The following UST variants were observed in gnomAD, a reference collection of about 807,000 sequenced individuals.
UST encodes the protein uronyl 2-sulfotransferase, also known as chondroitin sulfate 2-O-sulfotransferase.
UST carries 21 observed loss-of-function variants against 45.6 expected under a neutral mutation model. The observed-to-expected ratio is 0.46, with a 90% CI of 0.33 to 0.66. The LOEUF is 0.66. Among genes scored for constraint, UST ranks in the 30% least tolerant of loss-of-function variants. The pLI, the probability that UST is intolerant of heterozygous loss-of-function variation, is 0.02. For synonymous variants in UST, 215 were observed against 200.6 expected (o/e 1.07, Z -0.61); for missense variants, 463 against 512.4 (o/e 0.90, Z 0.93).
chr6:148,807,646 A>G (rs915982504), intron 1 of UST, among the ~76,000 whole-genome samples: 1 of 152,132 alleles, frequency 6.6e-6, no homozygotes, highest in African/African-American at 2.4e-5. Context: ...TGCGTGGTAC[A>G]TTGACAGATA....
intron 7 of UST, among the ~76,000 whole-genome samples, chr6:149,066,571 C>T (rs1776732451): frequency 6.6e-6 from 1 of 151,878 alleles, no homozygotes; most frequent in South Asian, 2.1e-4. Context: ...TAAGAATCTG[C>T]CAAACCAGCT....
At chr6:148,871,117 C>CCTCT (rs749134391) in intron 1 of UST, among the ~76,000 whole-genome samples, 1,502 of 97,570 alleles carry the variant, frequency 0.015, 82 homozygotes, top group African/African-American at 0.05. Flanking sequence ...GCATTCTCTC[C>CCTCT]CTCTCTCTCT....
chr6:148,890,560 C>T (rs534165856), intron 2 of UST, among the ~76,000 whole-genome samples: 2 of 152,148 alleles, frequency 1.3e-5, no homozygotes, highest in Non-Finnish European at 2.9e-5. Flanking sequence ...ACGTTACAGG[C>T]GAGTTCTCAT....
chr6:148,915,881 G>A (rs527243832), intron 2 of UST, among the ~76,000 whole-genome samples: 1 of 151,958 alleles, frequency 6.6e-6, no homozygotes, highest in East Asian at 1.9e-4. Flanking sequence ...AGGGTGGTGT[G>A]GGGGAGGGTT....
At chr6:148,750,106 C>G (rs1014902001) in intron 1 of UST, among the ~76,000 whole-genome samples, 12 of 152,262 alleles carry the variant, frequency 7.9e-5, no homozygotes, top group Middle Eastern at 3.4e-3. Flanking sequence ...ATTTCCTCAG[C>G]CAATTTTGGC....
intron 3 of UST, among the ~76,000 whole-genome samples, chr6:148,950,336 T>C (rs1035830786): frequency 6.6e-6 from 1 of 152,254 alleles, no homozygotes; most frequent in Non-Finnish European, 1.5e-5. Context: ...TGTCATTTGC[T>C]GTTGGGATTA....
intron 2 of UST, among the ~76,000 whole-genome samples, chr6:148,932,639 A>G (rs1335691895): frequency 6.6e-6 from 1 of 152,020 alleles, no homozygotes; most frequent in Admixed American, 6.6e-5. Flanking sequence ...GAAGTCTTGT[A>G]TTTTTTTCCT....
At chr6:149,001,482 G>A (rs1008954179) in intron 5 of UST, among the ~76,000 whole-genome samples, 6 of 152,188 alleles carry the variant, frequency 3.9e-5, no homozygotes, top group Non-Finnish European at 8.8e-5. Context: ...CAAGGAAAAG[G>A]AAGCAAAGCA....
Position 148,790,746 on chromosome 6 carries a change from G to C in UST, c.247+43069G>C, listed in dbSNP as rs1776829737. On this transcript the variant is annotated intron_variant, in intron 1 of 7. Coordinates refer to ENST00000367463, the MANE Select transcript of UST (RefSeq NM_005715.3). This position sits in a 1 kb window ranked among gnomAD's most constrained non-coding sequence, Gnocchi z 4.2. ...TCGGGGCATCCCACATCCAATGCCTGGTTGATGTGGGGATACAAAGGTCTG... is the reference window on the plus strand; with the variant it reads ...TCGGGGCATCCCACATCCAATGCCTCGTTGATGTGGGGATACAAAGGTCTG... 6.6e-6 allele frequency among the ~76,000 whole-genome samples: 1 copy of C among 152,212 alleles called. No individual in the cohort carries two copies.
intron 7 of UST, among the ~76,000 whole-genome samples, chr6:149,058,361 GT>G (rs1776600244): frequency 6.9e-6 from 1 of 144,738 alleles, no homozygotes. Context: ...GTGTGTGTGT[GT>G]GTGTGTGTGT....
chr6:148,785,043 G>A (rs1022056066), intron 1 of UST, among the ~76,000 whole-genome samples: 3 of 152,060 alleles, frequency 2.0e-5, no homozygotes, highest in African/African-American at 4.8e-5. Context: ...ACCCTGTCTC[G>A]ACTGAAATAC....
At chr6:148,923,714 C>T (rs1330525143) in intron 2 of UST, among the ~76,000 whole-genome samples, 1 of 152,170 alleles carries the variant, frequency 6.6e-6, no homozygotes, top group Non-Finnish European at 1.5e-5. Flanking sequence ...AGACCATCAC[C>T]TGACCCAGGA....
intron 3 of UST, among the ~76,000 whole-genome samples, chr6:148,943,479 C>G (rs1016105459): frequency 4.6e-5 from 7 of 152,198 alleles, no homozygotes; most frequent in African/African-American, 1.7e-4. Context: ...ACACTTGTAA[C>G]TATGAATGGA....
intron 5 of UST, among the ~76,000 whole-genome samples, chr6:148,998,383 C>T (rs1781489130): frequency 6.6e-6 from 1 of 152,182 alleles, no homozygotes; most frequent in South Asian, 2.1e-4. Context: ...GTGAATGATT[C>T]TTTTGTCTCC....
rs75152094 is a variant in UST at position 148,903,884 on chromosome 6, A to G, written c.291+16855A>G. ...AGTACTGGACACCCTGGAGCACAGAATATAACAGTGTCTTGTGCAAGCCAT... is the reference window on the plus strand; with the variant it reads ...AGTACTGGACACCCTGGAGCACAGAGTATAACAGTGTCTTGTGCAAGCCAT... On this transcript the variant is annotated intron_variant, in intron 2 of 7. Transcript: ENST00000367463. Among the ~76,000 whole-genome samples the G allele has an allele frequency of 8.8e-3, 1,341 of 152,336 alleles. 25 individuals carry two copies. The highest frequency in any genetic ancestry group is 0.031 in the African/African-American group (1,277 of 41,578).
At chr6:149,047,159 A>C (rs1015363990) in intron 7 of UST, among the ~76,000 whole-genome samples, 1 of 152,222 alleles carries the variant, frequency 6.6e-6, no homozygotes, top group African/African-American at 2.4e-5. Context: ...GACCAAGAGT[A>C]AAAATATATA....
chr6:148,927,884 A>G (rs1377257848), intron 2 of UST, among the ~76,000 whole-genome samples: 1 of 152,224 alleles, frequency 6.6e-6, no homozygotes, highest in African/African-American at 2.4e-5. Flanking sequence ...AAAATTCAAA[A>G]TGTACAGAGA....
intron 2 of UST, among the ~76,000 whole-genome samples, chr6:148,894,315 C>G (rs1779076846): frequency 6.6e-6 from 1 of 152,146 alleles, no homozygotes; most frequent in Non-Finnish European, 1.5e-5. Context: ...TGTAATTAGG[C>G]TCTTTGCAGA....
chr6:149,049,931 T>TCA (rs59151398), intron 7 of UST, among the ~76,000 whole-genome samples: 4,173 of 134,444 alleles, frequency 0.031, 84 homozygotes, highest in Admixed American at 0.059. Flanking sequence ...TCTCTCTCTC[T>TCA]CACACACACA....
Sources: allele counts gnomAD v4.1 joint callset (sites outside exome capture counted in the v4.1 genomes callset), GRCh38; gene constraint gnomAD v4.1.1; non-coding constraint Gnocchi (gnomAD v3.1); transcripts MANE v1.5; gene names NCBI Gene and HGNC (gene_info 2026-07-23, HGNC 2026-07-21).